EPHA6: variants seen among roughly 807,000 people sequenced by gnomAD.
EPHA6 encodes EPH receptor A6, also known as ephrin type-A receptor 6.
A neutral mutation model predicts 112.0 loss-of-function variants in EPHA6; 50 were observed. That is an observed-to-expected ratio of 0.45 (90% CI 0.36 to 0.56). The LOEUF is 0.56. Ranked by LOEUF, EPHA6 falls within the 20% of genes least tolerant of loss-of-function variation. EPHA6 has a pLI of 0.00. For missense variants in EPHA6, 1,280 were observed against 1,417.4 expected (o/e 0.90, Z 1.56); for synonymous variants, 529 against 490.7 (o/e 1.08, Z -1.03).
At chr3:97,569,593 A>G (rs900183410) in intron 11 of EPHA6, among the ~76,000 whole-genome samples, 2 of 152,202 alleles carry the variant, frequency 1.3e-5, no homozygotes, top group Middle Eastern at 3.2e-3. Flanking sequence ...ACATATATTT[A>G]TATTATGAAA....
chr3:97,705,796 C>G (rs2033646768), intron 14 of EPHA6, among the ~76,000 whole-genome samples: 1 of 152,170 alleles, frequency 6.6e-6, no homozygotes, highest in African/African-American at 2.4e-5. Context: ...GATAAGCCCT[C>G]TTTTATTTTA....
chr3:97,259,087 A>G (rs943162113), intron 5 of EPHA6, among the ~76,000 whole-genome samples: 2 of 152,174 alleles, frequency 1.3e-5, no homozygotes, highest in Non-Finnish European at 2.9e-5. Flanking sequence ...AGTTGTTCTT[A>G]GAAAGTAAAG....
intron 2 of EPHA6, among the ~76,000 whole-genome samples, chr3:96,958,493 C>T (rs1020715967): frequency 7.9e-5 from 12 of 151,992 alleles, no homozygotes; most frequent in African/African-American, 2.7e-4. Context: ...TTTATTCATT[C>T]AATAAATACT....
intron 3 of EPHA6, among the ~76,000 whole-genome samples, chr3:97,089,711 T>G (rs1259154440): frequency 6.6e-6 from 1 of 152,134 alleles, no homozygotes; most frequent in Non-Finnish European, 1.5e-5. Flanking sequence ...TACATTGCTA[T>G]TCACGTGGCT....
At chr3:97,359,457 T>A (rs2084254761) in intron 5 of EPHA6, among the ~76,000 whole-genome samples, 1 of 151,932 alleles carries the variant, frequency 6.6e-6, no homozygotes, top group South Asian at 2.1e-4. Context: ...ACATTGTTTT[T>A]TTTTTTTAAT....
intron 3 of EPHA6, among the ~76,000 whole-genome samples, chr3:97,051,071 T>G (rs2045669691): frequency 6.6e-6 from 1 of 152,168 alleles, no homozygotes; most frequent in Admixed American, 6.6e-5. Flanking sequence ...TGATAATATT[T>G]TAGACAGGCT....
rs560297012 is a variant in EPHA6 at position 97,747,185 on chromosome 3, C to T, written c.3129-238C>T. The stretch of plus-strand genomic sequence containing the variant: ...AAAGAAAAAAAAGATCAATGTAAGT[C>T]CCAGTCATAGCAAAAAACACAAAAA... On this transcript the variant is annotated intron_variant, in intron 16 of 17. Coordinates refer to ENST00000389672, the MANE Select transcript of EPHA6 (RefSeq NM_001080448.3). Among the ~76,000 whole-genome samples, 4 of 151,930 alleles carry T rather than the reference C, an allele frequency of 2.6e-5. No homozygotes were observed. The East Asian group carries it at 7.7e-4, about 29-fold the overall frequency.
At chr3:97,137,067 A>T (rs879358892) in intron 3 of EPHA6, among the ~76,000 whole-genome samples, 7 of 152,190 alleles carry the variant, frequency 4.6e-5, no homozygotes, top group Non-Finnish European at 7.3e-5. Context: ...TTTAATATTT[A>T]AAAAAATTAA....
intron 10 of EPHA6, among the ~76,000 whole-genome samples, chr3:97,513,852 A>G (rs1378446396): frequency 6.6e-6 from 1 of 152,182 alleles, no homozygotes; most frequent in Non-Finnish European, 1.5e-5. Flanking sequence ...TTATGTAGCA[A>G]TTAGATAAAA....
intron 11 of EPHA6, among the ~76,000 whole-genome samples, chr3:97,536,691 A>G (rs2092769321): frequency 6.6e-6 from 1 of 152,130 alleles, no homozygotes; most frequent in Admixed American, 6.6e-5. Context: ...TAGTACTTGC[A>G]CAAAAACTGC....
At chr3:97,395,513 CAGAA>C (rs1394405958) in intron 5 of EPHA6, among the ~76,000 whole-genome samples, 1 of 151,744 alleles carries the variant, frequency 6.6e-6, no homozygotes, top group African/African-American at 2.4e-5. Flanking sequence ...TGAGCATACA[CAGAA>C]AGAAACACTG....
At chr3:97,202,571 T>G (rs990660954) in intron 3 of EPHA6, among the ~76,000 whole-genome samples, 4 of 152,066 alleles carry the variant, frequency 2.6e-5, no homozygotes, top group Non-Finnish European at 5.9e-5. Flanking sequence ...TGACCTCAAG[T>G]GATCCACCCA....
intron 2 of EPHA6, among the ~76,000 whole-genome samples, chr3:96,980,640 G>A (rs2042728454): frequency 1.3e-5 from 2 of 149,208 alleles, no homozygotes; most frequent in African/African-American, 2.5e-5. Context: ...AATTACCTTG[G>A]GCAGTATGGC....
chr3:96,910,559 A>C (rs1179631999), intron 2 of EPHA6, among the ~76,000 whole-genome samples: 2 of 152,072 alleles, frequency 1.3e-5, no homozygotes, highest in African/African-American at 4.8e-5. Context: ...GTCATCAGTT[A>C]AACCTTCTGT....
At chr3:97,335,874 T>C (rs1347192233) in intron 5 of EPHA6, among the ~76,000 whole-genome samples, 1 of 152,000 alleles carries the variant, frequency 6.6e-6, no homozygotes, top group Non-Finnish European at 1.5e-5. Flanking sequence ...GGAGTTCTGC[T>C]TGGTGGGGTC....
chr3:97,494,298 T>A (rs373455684), intron 10 of EPHA6, among the ~76,000 whole-genome samples: 4 of 147,680 alleles, frequency 2.7e-5, no homozygotes, highest in African/African-American at 1.1e-4. Context: ...TTATAACCAG[T>A]TAATCTATCT....
intron 3 of EPHA6, among the ~76,000 whole-genome samples, chr3:97,011,008 G>A (rs1259694668): frequency 6.6e-6 from 1 of 152,104 alleles, no homozygotes; most frequent in African/African-American, 2.4e-5. Flanking sequence ...TCATAAAGGA[G>A]TGTTAGTCAA....
chr3:96,873,902 G>A (rs141534033), intron 2 of EPHA6, among the ~76,000 whole-genome samples: 2 of 152,138 alleles, frequency 1.3e-5, no homozygotes, highest in Non-Finnish European at 2.9e-5. Context: ...CATACTTTTC[G>A]TGATCTCAAT....
At chr3:97,320,617 A>G (rs1559879648) in intron 5 of EPHA6, among the ~76,000 whole-genome samples, 1 of 151,888 alleles carries the variant, frequency 6.6e-6, no homozygotes, top group African/African-American at 2.4e-5. Context: ...TAGGTCCCCA[A>G]GACTTATGTT....
Sources: gnomAD v4.1 joint callset for allele counts (sites outside exome capture counted in the v4.1 genomes callset) on GRCh38, gnomAD v4.1.1 for gene constraint, MANE v1.5 for transcripts, NCBI Gene and HGNC (gene_info 2026-07-23, HGNC 2026-07-21) for gene names.